Variants in RYR3 observed in about 807,000 individuals in gnomAD.
RYR3 encodes the protein brain ryanodine receptor-calcium release channel.
A neutral mutation model predicts 584.3 loss-of-function variants in RYR3; 207 were observed. The ratio of observed to expected loss-of-function variants is 0.35; its 90% CI spans 0.32 to 0.40. The LOEUF is 0.40. RYR3 is among the 10% of genes least tolerant of loss of function. The pLI is 1.00. For synonymous variants in RYR3, 2,416 were observed against 2,248.5 expected (o/e 1.07, Z -2.11); for missense variants, 5,616 against 6,089.2 (o/e 0.92, Z 2.59).
At chr15:33,832,562 A>T (rs2077750074) in intron 86 of RYR3, among the ~76,000 whole-genome samples, 1 of 149,688 alleles carries the variant, frequency 6.7e-6, no homozygotes, top group Non-Finnish European at 1.5e-5. Flanking sequence ...AGGCTGAGGC[A>T]GGGAGAATTG....
At chr15:33,506,195 C>A (rs2052471690) in intron 3 of RYR3, among the ~76,000 whole-genome samples, 1 of 152,038 alleles carries the variant, frequency 6.6e-6, no homozygotes, top group Non-Finnish European at 1.5e-5. Flanking sequence ...TGGAGGGACG[C>A]ACTTTAATAA....
chr15:33,780,909 C>T (rs1334718785), intron 65 of RYR3, among the ~76,000 whole-genome samples: 1 of 152,196 alleles, frequency 6.6e-6, no homozygotes, highest in African/African-American at 2.4e-5. Flanking sequence ...ACTATGACCA[C>T]AGGGCAAATT....
intron 1 of RYR3, among the ~76,000 whole-genome samples, chr15:33,472,120 A>T (rs1033887611): frequency 6.6e-6 from 1 of 152,222 alleles, no homozygotes; most frequent in Admixed American, 6.5e-5. Context: ...ACTCACTTAG[A>T]TAATGAACAG....
chr15:33,699,791 G>C lies in RYR3; in HGVS notation c.6337G>C (p.Glu2113Gln), dbSNP rs755999732. The C allele has an allele frequency of 1.9e-6, 3 of 1,613,826 alleles. No homozygotes were observed. In the South Asian group the frequency reaches 3.3e-5, roughly 18 times the overall value. ...CCGGCAAAATCAGAAGGCCATGTTTGAGCATCTGAGTTATCTTCTGGAGAA... is the reference window on the plus strand; with the variant it reads ...CCGGCAAAATCAGAAGGCCATGTTTCAGCATCTGAGTTATCTTCTGGAGAA... ...ISRQNQKAMF[E>Q]HLSYLLENSS... is the part of the protein sequence containing the mutation. The change falls in exon 41 of 104, where the codon GAG (glutamate) becomes CAG (glutamine). Residue 2113 changes from glutamate (E) to glutamine (Q), a missense_variant. Around this residue, in one of 9 missense-constraint regions of RYR3, gnomAD observed 1,280 missense variants for 1,426.2 expected, o/e 0.90. Coordinates refer to ENST00000634891, the MANE Select transcript of RYR3 (RefSeq NM_001036.6).
At chr15:33,334,794 A>T (rs968080291) in intron 1 of RYR3, among the ~76,000 whole-genome samples, 1 of 152,190 alleles carries the variant, frequency 6.6e-6, no homozygotes, top group African/African-American at 2.4e-5. Context: ...CAAAGGTCTA[A>T]TATCCAGCCT....
intron 3 of RYR3, among the ~76,000 whole-genome samples, chr15:33,507,579 T>G (rs1163438660): frequency 1.5e-4 from 23 of 152,194 alleles, no homozygotes; most frequent in Admixed American, 1.5e-3. Flanking sequence ...TTTCAATTGA[T>G]TAGACCTACA....
chr15:33,556,349 A>T (rs1217325772), intron 10 of RYR3, among the ~76,000 whole-genome samples: 1 of 152,184 alleles, frequency 6.6e-6, no homozygotes, highest in Non-Finnish European at 1.5e-5. Flanking sequence ...CATTGATGCC[A>T]GAATGGTTAT....
intron 34 of RYR3, among the ~76,000 whole-genome samples, chr15:33,661,110 C>T (rs565969868): frequency 5.9e-5 from 9 of 152,206 alleles, no homozygotes; most frequent in East Asian, 3.9e-4. Context: ...CATTGGGTCA[C>T]GAGCAGCAGG....
intron 1 of RYR3, among the ~76,000 whole-genome samples, chr15:33,462,187 A>G (rs760350675): frequency 3.7e-4 from 56 of 152,172 alleles, no homozygotes; most frequent in Non-Finnish European, 5.1e-4. Context: ...AACTTTATAG[A>G]GCATCTTTTT....
chr15:33,454,656 T>G (rs552760963), intron 1 of RYR3, among the ~76,000 whole-genome samples: 15 of 152,316 alleles, frequency 9.8e-5, no homozygotes, highest in African/African-American at 3.6e-4. Flanking sequence ...TGCACAATGA[T>G]GGACCCTCCC....
At chr15:33,671,805 CTTTTTTTTTTTT>C (rs56206846) in intron 38 of RYR3, among the ~76,000 whole-genome samples, 2 of 80,312 alleles carry the variant, frequency 2.5e-5, no homozygotes, top group East Asian at 3.5e-4. Flanking sequence ...CCTTCTTTTT[CTTTTTTTTTTTT>C]TTTTTTTTTT....
At chr15:33,625,729 A>G (rs2060951211) in intron 20 of RYR3, among the ~76,000 whole-genome samples, 2 of 152,174 alleles carry the variant, frequency 1.3e-5, no homozygotes, top group Non-Finnish European at 2.9e-5. Flanking sequence ...TCTTTGGTGA[A>G]AAATAAATGA....
At chr15:33,627,422 A>C (rs1162453871) in intron 20 of RYR3, among the ~76,000 whole-genome samples, 1 of 152,178 alleles carries the variant, frequency 6.6e-6, no homozygotes. Flanking sequence ...AAAGGTGATG[A>C]CATTTGAACT....
rs1430717986 is a variant in RYR3, at chr15:33,432,368, T to C, written c.52-41051T>C. On this transcript the variant is annotated intron_variant, in intron 1 of 103. Coordinates refer to ENST00000634891, the MANE Select transcript of RYR3 (RefSeq NM_001036.6). ...TGTAGTTTTCAAAACAGTACACCTA[T>C]GTTAACCTGCCAGCCCTCACCCTGT... Among the ~76,000 whole-genome samples the C allele has an allele frequency of 5.3e-5, 8 of 152,200 alleles. No homozygotes were observed. In the South Asian group the frequency reaches 1.7e-3, roughly 32 times the overall value.
At chr15:33,734,490 A>G (rs12914125) in intron 48 of RYR3, among the ~76,000 whole-genome samples, 16,795 of 152,070 alleles carry the variant, frequency 0.11, 1,145 homozygotes, top group East Asian at 0.29. Flanking sequence ...TTGGTTGGTA[A>G]TGCATCAATA....
chr15:33,800,894 G>A lies in RYR3; in HGVS notation c.9918+37G>A, dbSNP rs143356135. 2.1e-5 allele frequency: 29 copies of A among 1,409,354 alleles called. No homozygotes were observed. In the East Asian group the frequency reaches 6.4e-4, roughly 31 times the overall value. The allele number at this position is 1,409,354 out of a possible 1,614,324, so 87.3% of individuals were successfully genotyped here. A position where few individuals can be genotyped will look rare whatever the true frequency, so the allele number is the denominator to read the frequency against. ...TTTGGGCCCTGGGTTTAGAATGGTT[G>A]TGAAAGCTGCAGACCGTGGAAAACT... On this transcript the variant is annotated intron_variant, in intron 68 of 103. Coordinates refer to ENST00000634891, the MANE Select transcript of RYR3 (RefSeq NM_001036.6).
rs201690577 is a variant in RYR3, at chr15:33,440,111, G to A, written c.52-33308G>A. On this transcript the variant is annotated intron_variant, in intron 1 of 103. Transcript: ENST00000634891. ...AAGACCAGCCTGGGCAACATAGGGA[G>A]ACCCTGCTTCTATTAAATTTTAAAA... 1.5e-4 allele frequency among the ~76,000 whole-genome samples: 23 copies of A among 152,194 alleles called. No individual in the cohort carries two copies. In the East Asian group the frequency reaches 4.4e-3, roughly 29 times the overall value.
intron 3 of RYR3, among the ~76,000 whole-genome samples, chr15:33,511,205 G>A (rs1420560216): frequency 6.6e-6 from 1 of 151,446 alleles, no homozygotes; most frequent in East Asian, 1.9e-4. Flanking sequence ...ATAGTTTGTT[G>A]ATGACATCAG....
chr15:33,670,464 G>C lies in RYR3; in HGVS notation c.5768G>C (p.Trp1923Ser). 6.2e-7 allele frequency: 1 copy of C among 1,612,896 alleles called. No homozygotes were observed. Among genetic ancestry groups the C allele is most frequent in the Non-Finnish European group, 8.5e-7 (1 of 1,179,410 alleles). ...GAAGAGGAGGAGGAGGACACCTCCT[G>C]GACAGGAAAACTCTGTGCCTTGGTT... ...EEEEEEEDTS[W>S]TGKLCALVYK... The change falls in exon 38 of 104, where the codon TGG (tryptophan) becomes TCG (serine). Residue 1923 changes from tryptophan to serine, a missense_variant. Physicochemically the swap from Trp to Ser is radical, Grantham distance 177. Coordinates refer to ENST00000634891, the MANE Select transcript of RYR3 (RefSeq NM_001036.6).
Sources: allele counts gnomAD v4.1 joint callset (sites outside exome capture counted in the v4.1 genomes callset), GRCh38; gene constraint gnomAD v4.1.1; regional missense constraint gnomAD v4.1.1; transcripts MANE v1.5; gene names NCBI Gene and HGNC (gene_info 2026-07-23, HGNC 2026-07-21).